Variants in CDH23 observed in about 807,000 individuals in gnomAD.
The protein encoded by CDH23 is cadherin related 23.
A neutral mutation model predicts 317.1 loss-of-function variants in CDH23; 189 were observed. The observed-to-expected ratio is 0.60, with a 90% CI of 0.53 to 0.67. The LOEUF is 0.67. CDH23 is among the 30% of genes least tolerant of loss of function. The pLI, the probability that CDH23 is intolerant of heterozygous loss-of-function variation, is 0.00. For missense variants in CDH23, 4,401 were observed against 4,592.4 expected (o/e 0.96, Z 1.20); for synonymous variants, 1,839 against 1,876.8 (o/e 0.98, Z 0.52).
intron 18 of CDH23, among the ~76,000 whole-genome samples, chr10:71,684,849 G>C (rs2132688382): frequency 6.6e-6 from 1 of 152,184 alleles, no homozygotes; most frequent in East Asian, 1.9e-4. Flanking sequence ...GTTCTGGCTA[G>C]CCCGGGGCTA....
intron 60 of CDH23, 37 bp from the exon 61 acceptor site, chr10:71,809,783 G>A: frequency 1.3e-6 from 2 of 1,598,064 alleles, no homozygotes. Flanking sequence ...GGGGCACTGA[G>A]TCTCTGAGCC....
At chr10:71,592,941 A>C (rs1859593558) in intron 9 of CDH23, among the ~76,000 whole-genome samples, 1 of 151,698 alleles carries the variant, frequency 6.6e-6, no homozygotes, top group Admixed American at 6.6e-5. Flanking sequence ...GCACCTCTAC[A>C]CTCTAGTTAT....
chr10:71,634,043 C>T (rs1862142595), intron 11 of CDH23, among the ~76,000 whole-genome samples: 1 of 152,228 alleles, frequency 6.6e-6, no homozygotes, highest in Admixed American at 6.5e-5. Context: ...AGAGGGAAAT[C>T]ATTTTAGCAT....
Position 71,794,144 on chromosome 10 carries a change from G to A in CDH23, c.6712+504G>A, listed in dbSNP as rs1281116258. 2.0e-5 allele frequency among the ~76,000 whole-genome samples: 3 copies of A among 152,094 alleles called. No individual in the cohort carries two copies. The East Asian group carries it at 5.8e-4, about 29-fold the overall frequency. On this transcript the variant is annotated intron_variant, in intron 48 of 69. Transcript: ENST00000224721. ...AGCCTCCCGAGTAGCTGAGATTACA[G>A]ACATGTGCCACCACACCCAGCTAAT...
intron 11 of CDH23, chr10:71,623,060 G>A (rs1458270492): frequency 1.7e-6 from 1 of 572,304 alleles, no homozygotes; most frequent in Non-Finnish European, 2.2e-6. Flanking sequence ...GCTAGGTCCT[G>A]GGGGGACTGA....
intron 14 of CDH23, among the ~76,000 whole-genome samples, chr10:71,652,433 C>A (rs1863220199): frequency 6.6e-6 from 1 of 152,218 alleles, no homozygotes; most frequent in African/African-American, 2.4e-5. Context: ...AGACCCATTG[C>A]AGTGATGTGG....
At chr10:71,811,189 G>A (rs909322403) in intron 62 of CDH23, 126 bp from the exon 63 acceptor site, 32 of 1,388,218 alleles carry the variant, frequency 2.3e-5, no homozygotes, top group Middle Eastern at 3.9e-4. Flanking sequence ...TGTCCCAGCC[G>A]GTGGACCTCA....
In CDH23 at chr10:71,645,682, G is replaced by C. The variant is rs766770813; in HGVS notation, c.1141-149G>C. 3.4e-6 allele frequency: 3 copies of C among 894,438 alleles called. No homozygotes were observed. The South Asian group carries it at 4.0e-5, about 12-fold the overall frequency. 55.4% of individuals were successfully genotyped at this position (894,438 alleles called of 1,614,324 possible). ...TCATGGAGTCTTGGAGCTGCTCTGG[G>C]AAAGCCCTGCTCTGTCCCAGCGCCT... On this transcript the variant is annotated intron_variant, in intron 12 of 69. Coordinates refer to ENST00000224721, the MANE Select transcript of CDH23 (RefSeq NM_022124.6).
At position 71,807,328 on chromosome 10, in the gene CDH23, G is replaced by A. The variant is rs376189742; in HGVS notation, c.8230G>A (p.Gly2744Ser). Residue 2744 changes from glycine (G) to serine (S), a missense_variant, in exon 58 of 70, where the codon GGC becomes AGC. Gly to Ser is a moderately conservative substitution (Grantham distance 56, BLOSUM62 0). Around this residue, in one of 3 missense-constraint regions of CDH23, gnomAD observed 1,144 missense variants for 1,138.2 expected, o/e 1.01. Coordinates refer to ENST00000224721, the MANE Select transcript of CDH23 (RefSeq NM_022124.6). ...GACAGTGCCTGAGCACTCACCACGC[G>A]GCACCCTCGTGGGCAACGTGACAGG... is the stretch of plus-strand genomic sequence containing the variant. The part of the protein sequence containing the change: ...LLTVPEHSPR[G>S]TLVGNVTGAV... 1.1e-4 allele frequency: 177 copies of A among 1,613,836 alleles called. No homozygotes were observed. Among genetic ancestry groups the A allele is most frequent in the African/African-American group, 1.9e-4 (14 of 75,022 alleles).
Position 71,706,889 on chromosome 10 carries a change from C to A in CDH23, c.2954-8C>A. The A allele has an allele frequency of 6.3e-7, 1 of 1,591,326 alleles. No homozygotes were observed. The highest frequency in any genetic ancestry group is 1.3e-5 in the African/African-American group (1 of 74,516). On this transcript the variant is annotated splice_region_variant and splice_polypyrimidine_tract_variant and intron_variant, in intron 25 of 69. Coordinates refer to ENST00000224721, the MANE Select transcript of CDH23 (RefSeq NM_022124.6). ...AGGCCTAGCCCCGGCGCCCGTTCTG[C>A]CCCGCAGTGCTGGATGTGAACGACG... is the stretch of plus-strand genomic sequence containing the variant.
At chr10:71,792,870 T>TATATATATATATATATATATA (rs1564796332) in intron 47 of CDH23, among the ~76,000 whole-genome samples, 1 of 127,272 alleles carries the variant, frequency 7.9e-6, no homozygotes, top group East Asian at 2.3e-4. Context: ...TATATATATA[T>TATATATATATATATATATATA]ATATATGTCT....
At chr10:71,769,951 C>T (rs1564785330) in intron 38 of CDH23, among the ~76,000 whole-genome samples, 1 of 152,130 alleles carries the variant, frequency 6.6e-6, no homozygotes, top group Non-Finnish European at 1.5e-5. Context: ...GCAATGTCCC[C>T]ATCTCCTGAC....
chr10:71,506,145 T>C (rs551872317), intron 3 of CDH23, among the ~76,000 whole-genome samples: 1 of 152,342 alleles, frequency 6.6e-6, no homozygotes, highest in East Asian at 1.9e-4. Flanking sequence ...AAAGGCCACA[T>C]ACTGTATTAT....
chr10:71,578,589 A>G (rs1858398411), intron 9 of CDH23, among the ~76,000 whole-genome samples: 1 of 152,020 alleles, frequency 6.6e-6, no homozygotes, highest in Admixed American at 6.6e-5. Flanking sequence ...GGGATCCCTG[A>G]CCCACGCCCC....
chr10:71,681,416 C>T (rs1864644797), intron 17 of CDH23, among the ~76,000 whole-genome samples: 1 of 152,186 alleles, frequency 6.6e-6, no homozygotes, highest in South Asian at 2.1e-4. Flanking sequence ...AGGGATATTT[C>T]AGGGCACAGG....
chr10:71,663,255 G>T (rs1364179958), intron 14 of CDH23, among the ~76,000 whole-genome samples: 1 of 152,148 alleles, frequency 6.6e-6, no homozygotes, highest in East Asian at 1.9e-4. Context: ...GGACGTGAAG[G>T]GCTAGCCATG....
Position 71,566,823 on chromosome 10 carries a change from T to A in CDH23, c.511T>A (p.Phe171Ile). The change falls in exon 7 of 70, where the codon TTC (phenylalanine) becomes ATC (isoleucine). Residue 171 changes from phenylalanine (F) to isoleucine (I), a missense_variant. By Grantham distance (21) the Phe-to-Ile change is conservative (BLOSUM62 0). Coordinates refer to ENST00000224721, the MANE Select transcript of CDH23 (RefSeq NM_022124.6). ...GGCAGGGGGCAGCGTCCTCTACTCCTTCCAGCCCCCCTCCCAATTCTTCGC... is the reference window on the plus strand; with the variant it reads ...GGCAGGGGGCAGCGTCCTCTACTCCATCCAGCCCCCCTCCCAATTCTTCGC... ...LGAGGSVLYS[F>I]QPPSQFFAID... The A allele has an allele frequency of 6.2e-7, 1 of 1,613,996 alleles. No individual in the cohort carries two copies. The highest frequency in any genetic ancestry group is 8.5e-7 in the Non-Finnish European group (1 of 1,179,886).
chr10:71,775,786 A>T (rs1840804241), intron 38 of CDH23, among the ~76,000 whole-genome samples: 2 of 152,154 alleles, frequency 1.3e-5, no homozygotes, highest in Admixed American at 1.3e-4. Flanking sequence ...TGTTTTCATT[A>T]AAAATAGTGG....
intron 14 of CDH23, among the ~76,000 whole-genome samples, chr10:71,649,112 T>G (rs1863041330): frequency 6.6e-6 from 1 of 151,804 alleles, no homozygotes; most frequent in Admixed American, 6.6e-5. Context: ...CCCTCCCCCC[T>G]TCCTCTCCCA....
Sources: gnomAD v4.1 joint callset for allele counts (sites outside exome capture counted in the v4.1 genomes callset) on GRCh38, gnomAD v4.1.1 for gene constraint, gnomAD v4.1.1 regional missense constraint, MANE v1.5 for transcripts, NCBI Gene and HGNC (gene_info 2026-07-23, HGNC 2026-07-21) for gene names.